KCNAB1: variants seen among roughly 807,000 people sequenced by gnomAD.
The protein encoded by KCNAB1 is potassium voltage-gated channel subfamily A regulatory beta subunit 1.
In KCNAB1, 35 loss-of-function variants were observed where a neutral mutation model predicts 64.6. The observed-to-expected ratio is 0.54, with a 90% confidence interval of 0.41 to 0.72. The LOEUF (loss-of-function observed/expected upper bound fraction) is 0.72, where lower values mean the gene tolerates loss of function less well. KCNAB1 is among the 30% of genes least tolerant of loss of function. The probability of loss-of-function intolerance (pLI) is 0.00; values close to 1 mark genes in which losing one functional copy is unlikely to be tolerated. For synonymous variants in KCNAB1, 177 were observed against 183.8 expected, an observed-to-expected ratio of 0.96 and a Z score of 0.30; for missense variants, 401 against 512.9, an observed-to-expected ratio of 0.78 and a Z score of 2.11.
At chr3:156,128,841 A>G (rs533622073) in intron 1 of KCNAB1, among the ~76,000 whole-genome samples, 134 of 152,260 alleles carry the variant, frequency 8.8e-4, no homozygotes, top group Non-Finnish European at 1.7e-3. Context: ...CCTAAAATCT[A>G]TAAATTCATG....
In KCNAB1 at chr3:156,168,009, C is replaced by T. The variant is rs1186832459; in HGVS notation, c.275+47123C>T. ...CTTAAGCTCAGGAGTTAGAGACCAGCCTGGGCAACATGGTGGAACTCTGTC... is the reference window on the plus strand; with the variant it reads ...CTTAAGCTCAGGAGTTAGAGACCAGTCTGGGCAACATGGTGGAACTCTGTC... On this transcript the variant is annotated intron_variant, in intron 1 of 13. Transcript: ENST00000490337. Among the ~76,000 whole-genome samples, 4 of 152,066 alleles carry T rather than the reference C, an allele frequency of 2.6e-5. No homozygotes were observed. In the South Asian group the frequency reaches 6.2e-4, roughly 24 times the overall value.
At chr3:156,286,306 T>A (rs1317320426) in intron 1 of KCNAB1, among the ~76,000 whole-genome samples, 1 of 152,254 alleles carries the variant, frequency 6.6e-6, no homozygotes, top group African/African-American at 2.4e-5. Flanking sequence ...AATAGCAAAC[T>A]TGCATCCTAG....
At chr3:156,123,008 C>G (rs57771058) in intron 1 of KCNAB1, among the ~76,000 whole-genome samples, 9 of 152,082 alleles carry the variant, frequency 5.9e-5, no homozygotes, top group African/African-American at 2.2e-4. Context: ...ATAGAATGTA[C>G]GATCCCCCAA....
intron 7 of KCNAB1, among the ~76,000 whole-genome samples, chr3:156,469,264 T>G: frequency 7.2e-6 from 1 of 139,200 alleles, no homozygotes; most frequent in Admixed American, 7.1e-5. Context: ...TTTTTTTTTT[T>G]TTTTTTTTTG....
intron 1 of KCNAB1, among the ~76,000 whole-genome samples, chr3:156,325,528 G>C (rs1722917013): frequency 1.3e-5 from 2 of 151,616 alleles, no homozygotes; most frequent in Admixed American, 1.3e-4. Context: ...TCTTTCCTTT[G>C]GATACTTGTT....
At chr3:156,425,854 G>A (rs997817096) in intron 2 of KCNAB1, among the ~76,000 whole-genome samples, 9 of 152,158 alleles carry the variant, frequency 5.9e-5, no homozygotes, top group Admixed American at 3.3e-4. Context: ...TCTCCTGGGG[G>A]ATTTGGGATA....
intron 1 of KCNAB1, among the ~76,000 whole-genome samples, chr3:156,406,407 A>G (rs1309678582): frequency 6.6e-6 from 1 of 152,192 alleles, no homozygotes; most frequent in South Asian, 2.1e-4. Flanking sequence ...TTTGCAGACA[A>G]CACACAAAGA....
chr3:156,465,717 G>A, intron 7 of KCNAB1, 31 bp downstream of exon 7: 4 of 1,575,786 alleles, frequency 2.5e-6, no homozygotes, highest in Non-Finnish European at 3.5e-6. Flanking sequence ...TTTATTTTTG[G>A]TTGTGGGCCC....
chr3:156,352,765 C>T (rs1724940136), intron 1 of KCNAB1, among the ~76,000 whole-genome samples: 1 of 152,194 alleles, frequency 6.6e-6, no homozygotes, highest in Non-Finnish European at 1.5e-5. Context: ...AGGAAAGGAC[C>T]CCCAACCACA....
chr3:156,381,801 G>T (rs7619831), intron 1 of KCNAB1, among the ~76,000 whole-genome samples: 2 of 151,978 alleles, frequency 1.3e-5, no homozygotes, highest in Non-Finnish European at 2.9e-5. Flanking sequence ...GAAAAGATGA[G>T]ACCTGGGTAA....
chr3:156,190,984 T>C (rs1713529642), intron 1 of KCNAB1, among the ~76,000 whole-genome samples: 1 of 152,190 alleles, frequency 6.6e-6, no homozygotes, highest in African/African-American at 2.4e-5. Flanking sequence ...TGAACTACTG[T>C]GTGTTTTTAA....
At chr3:156,189,869 A>G (rs1713448221) in intron 1 of KCNAB1, among the ~76,000 whole-genome samples, 1 of 152,188 alleles carries the variant, frequency 6.6e-6, no homozygotes, top group South Asian at 2.1e-4. Context: ...GGGCATTGTC[A>G]TGGGCTTTTT....
chr3:156,442,554 C>T (rs1391992676), intron 2 of KCNAB1, among the ~76,000 whole-genome samples: 1 of 152,192 alleles, frequency 6.6e-6, no homozygotes, highest in African/African-American at 2.4e-5. Flanking sequence ...AATACCTGTA[C>T]ATCTCTATAA....
intron 13 of KCNAB1, among the ~76,000 whole-genome samples, chr3:156,535,474 T>C (rs1175954846): frequency 1.3e-5 from 2 of 152,158 alleles, no homozygotes; most frequent in African/African-American, 4.8e-5. Context: ...TCAGTCAGCA[T>C]GTCGGTGCAA....
chr3:156,194,187 A>G (rs1489854595), intron 1 of KCNAB1, among the ~76,000 whole-genome samples: 1 of 151,180 alleles, frequency 6.6e-6, no homozygotes, highest in Non-Finnish European at 1.5e-5. Flanking sequence ...CATGCTTGTC[A>G]TTCTTTTATA....
rs1719878980 is a variant in KCNAB1 at position 156,283,481 on chromosome 3, T to C, written c.276-138135T>C. On this transcript the variant is annotated intron_variant, in intron 1 of 13. Coordinates refer to ENST00000490337, the MANE Select transcript of KCNAB1 (RefSeq NM_172160.3). ...TTCTCGAGGAGTATCTTTGTGGCGT[T>C]CTCTGTATTTCCTGAATCTGAACGT... Among the ~76,000 whole-genome samples, 3 of 149,032 alleles carry C rather than the reference T, an allele frequency of 2.0e-5. No individual in the cohort carries two copies. The South Asian group carries it at 6.7e-4, about 33-fold the overall frequency.
At chr3:156,410,987 G>A (rs1304521452) in intron 1 of KCNAB1, among the ~76,000 whole-genome samples, 1 of 152,176 alleles carries the variant, frequency 6.6e-6, no homozygotes, top group Non-Finnish European at 1.5e-5. Context: ...GAGTCACATG[G>A]TATAGATTGT....
At chr3:156,241,281 T>C (rs985115690) in intron 1 of KCNAB1, among the ~76,000 whole-genome samples, 2 of 152,242 alleles carry the variant, frequency 1.3e-5, no homozygotes, top group African/African-American at 4.8e-5. Flanking sequence ...TTGATACTTA[T>C]TGCAAATCTT....
intron 1 of KCNAB1, among the ~76,000 whole-genome samples, chr3:156,244,268 T>G (rs538975678): frequency 4.3e-4 from 65 of 152,308 alleles, no homozygotes; most frequent in African/African-American, 1.5e-3. Context: ...GGCTCCTTCT[T>G]TTATCTTCAA....
Sources: gnomAD v4.1 joint callset for allele counts (sites outside exome capture counted in the v4.1 genomes callset) on GRCh38, gnomAD v4.1.1 for gene constraint, MANE v1.5 for transcripts, NCBI Gene and HGNC (gene_info 2026-07-23, HGNC 2026-07-21) for gene names.